The following CALN1 variants were observed in gnomAD, a reference collection of about 807,000 sequenced individuals.
CALN1 encodes calcium-binding protein 8.
Under a neutral mutation model 30.6 loss-of-function variants are expected in CALN1, and 17 were observed. That is an observed-to-expected ratio of 0.56 (90% CI 0.38 to 0.83). CALN1 has a LOEUF of 0.83. Among genes scored for constraint, CALN1 ranks in the 40% least tolerant of loss-of-function variants. The probability of loss-of-function intolerance (pLI) is 0.00; values close to 1 mark genes in which losing one functional copy is unlikely to be tolerated. For synonymous variants in CALN1, 156 were observed against 131.4 expected, an observed-to-expected ratio of 1.19 and a Z score of -1.28; for missense variants, 291 against 354.9, an observed-to-expected ratio of 0.82 and a Z score of 1.45.
intron 4 of CALN1, among the ~76,000 whole-genome samples, chr7:72,044,638 GTGT>G (rs2129534538): frequency 8.0e-6 from 1 of 124,990 alleles, no homozygotes; most frequent in East Asian, 2.3e-4. Flanking sequence ...TTGAGGCAGA[GTGT>G]TGCTCTGTCA....
At chr7:72,146,725 A>G (rs1786770253) in intron 3 of CALN1, among the ~76,000 whole-genome samples, 1 of 152,206 alleles carries the variant, frequency 6.6e-6, no homozygotes, top group South Asian at 2.1e-4. Context: ...ACTATACTAC[A>G]AGGCTACAGT....
intron 2 of CALN1, among the ~76,000 whole-genome samples, chr7:72,389,938 A>AT (rs1415218119): frequency 6.6e-6 from 1 of 151,236 alleles, no homozygotes; most frequent in African/African-American, 2.4e-5. Context: ...AAAAAAAAAA[A>AT]AGAAGAAAGA....
intron 3 of CALN1, among the ~76,000 whole-genome samples, chr7:72,238,742 C>G (rs1350436745): frequency 2.6e-5 from 4 of 152,198 alleles, no homozygotes; most frequent in Non-Finnish European, 5.9e-5. Flanking sequence ...GGCATGTTTG[C>G]TTCCCCTTCC....
chr7:72,447,460 C>T (rs1437346410), upstream of CALN1, among the ~76,000 whole-genome samples: 3 of 152,190 alleles, frequency 2.0e-5, no homozygotes, highest in Non-Finnish European at 4.4e-5. Flanking sequence ...CAAGGTCCTG[C>T]TCGCTGTCTT....
intron 2 of CALN1, 95 bp from the exon 3 acceptor site, chr7:72,278,905 G>C: frequency 6.8e-7 from 1 of 1,473,792 alleles, no homozygotes; most frequent in East Asian, 2.4e-5. Flanking sequence ...CAGATGGCCA[G>C]TGTCATTTTA....
Position 71,888,796 on chromosome 7 carries a change from G to A in CALN1, c.502-78304C>T, listed in dbSNP as rs554755844. Among the ~76,000 whole-genome samples the A allele has an allele frequency of 1.2e-3, 181 of 152,270 alleles. 1 individual carries two copies. Among genetic ancestry groups the A allele is most frequent in the African/African-American group, 4.2e-3 (173 of 41,556 alleles). On this transcript the variant is annotated intron_variant, in intron 5 of 6. Transcript: ENST00000395275. The stretch of plus-strand genomic sequence containing the variant: ...TGACGTGATGGGGCCCATTCCTAGA[G>A]GAGAAAGGGGAGGAGGGCAGGGGAC...
rs567031385 is a variant in CALN1 at position 72,002,113 on chromosome 7, G to A, written c.501+21544C>T. ...AAAAAATTGAATGCTTTCTCTATAA[G>A]ATTGGGAAGGAGCCAAGAATATTTA... is the stretch of plus-strand genomic sequence containing the variant. On this transcript the variant is annotated intron_variant, in intron 5 of 6. Transcript: ENST00000395275. Among the ~76,000 whole-genome samples, 73 of 152,270 alleles carry A rather than the reference G, an allele frequency of 4.8e-4. No homozygotes were observed. The South Asian group carries it at 0.01, about 22-fold the overall frequency.
intron 1 of CALN1, among the ~76,000 whole-genome samples, chr7:72,434,236 C>T (rs972346976): frequency 6.6e-6 from 1 of 151,626 alleles, no homozygotes; most frequent in Admixed American, 6.6e-5. Flanking sequence ...GGCACAGTGG[C>T]TCATGCCTGT....
At chr7:72,415,057 G>A (rs756243646), upstream of CALN1, among the ~76,000 whole-genome samples, 1 of 152,210 alleles carries the variant, frequency 6.6e-6, no homozygotes. Context: ...GCAGCTGTCT[G>A]CAAGCCAGGA....
intron 4 of CALN1, among the ~76,000 whole-genome samples, chr7:72,055,066 G>A (rs1439853560): frequency 6.6e-6 from 1 of 152,156 alleles, no homozygotes; most frequent in Non-Finnish European, 1.5e-5. Flanking sequence ...CATGATCGCT[G>A]ACATCCACAG....
chr7:72,382,493 A>C (rs1804962907), intron 2 of CALN1, among the ~76,000 whole-genome samples: 1 of 152,140 alleles, frequency 6.6e-6, no homozygotes, highest in Non-Finnish European at 1.5e-5. Context: ...GATTCAAAGG[A>C]TACATGTGCA....
In CALN1 at chr7:71,963,548, G is replaced by A. The variant is rs1366534202; in HGVS notation, c.501+60109C>T. Reference sequence around the variant, plus strand: ...TTGAACTCCTGACCTCAAATGATCCGCCCACCTTGGCCTCCCAAAGTGCTG... The same window carrying A: ...TTGAACTCCTGACCTCAAATGATCCACCCACCTTGGCCTCCCAAAGTGCTG... On this transcript the variant is annotated intron_variant, in intron 5 of 6. Transcript: ENST00000395275. 6.6e-5 allele frequency among the ~76,000 whole-genome samples: 10 copies of A among 151,224 alleles called. No individual in the cohort carries two copies. The East Asian group carries it at 1.2e-3, about 18-fold the overall frequency.
At chr7:72,151,910 CT>C (rs369752622) in intron 3 of CALN1, among the ~76,000 whole-genome samples, 36,131 of 132,564 alleles carry the variant, frequency 0.27, 5,120 homozygotes, top group Non-Finnish European at 0.35. Flanking sequence ...TTATTCTTTT[CT>C]TTTTTTTTTT....
chr7:72,142,443 G>A (rs1810017920), intron 3 of CALN1, among the ~76,000 whole-genome samples: 1 of 152,190 alleles, frequency 6.6e-6, no homozygotes, highest in Non-Finnish European at 1.5e-5. Flanking sequence ...TGCCATTGCT[G>A]AGGCTTGAGT....
At chr7:71,960,874 T>G (rs1433171456) in intron 5 of CALN1, among the ~76,000 whole-genome samples, 1 of 152,190 alleles carries the variant, frequency 6.6e-6, no homozygotes, top group African/African-American at 2.4e-5. Context: ...TGGAGTGCAG[T>G]GGCTCAATCT....
chr7:71,801,275 C>T (rs889615190), intron 6 of CALN1, among the ~76,000 whole-genome samples: 4 of 152,060 alleles, frequency 2.6e-5, no homozygotes, highest in Middle Eastern at 3.4e-3. Context: ...TGAAGTGGTG[C>T]GACTGTGGCT....
chr7:72,057,798 A>G (rs1275948555), intron 4 of CALN1, among the ~76,000 whole-genome samples: 1 of 151,990 alleles, frequency 6.6e-6, no homozygotes, highest in Non-Finnish European at 1.5e-5. Flanking sequence ...TTGATCCCCT[A>G]TTTTGGTGTG....
At chr7:72,057,322 T>C (rs1408864488) in intron 4 of CALN1, among the ~76,000 whole-genome samples, 3 of 151,758 alleles carry the variant, frequency 2.0e-5, no homozygotes, top group Middle Eastern at 3.2e-3. Flanking sequence ...GACATGAGCA[T>C]AGACTTTCTG....
At chr7:72,379,282 A>G (rs1804750992) in intron 2 of CALN1, among the ~76,000 whole-genome samples, 2 of 152,192 alleles carry the variant, frequency 1.3e-5, no homozygotes, top group Non-Finnish European at 2.9e-5. Flanking sequence ...GGTGTGAAGC[A>G]CCACACCCGG....
Sources: allele counts gnomAD v4.1 joint callset (sites outside exome capture counted in the v4.1 genomes callset), GRCh38; gene constraint gnomAD v4.1.1; transcripts MANE v1.5; gene names NCBI Gene and HGNC (gene_info 2026-07-23, HGNC 2026-07-21).